The following STS variants were observed in gnomAD, a reference collection of about 807,000 sequenced individuals.
STS encodes steroid sulfatase.
In STS, 7 loss-of-function variants were observed where a neutral mutation model predicts 26.8. That is an observed-to-expected ratio of 0.26 (90% CI 0.15 to 0.49). STS has a LOEUF of 0.49. STS is among the 20% of genes least tolerant of loss of function. The pLI, the probability that STS is intolerant of heterozygous loss-of-function variation, is 0.98. For missense variants in STS, 434 were observed against 465.6 expected (o/e 0.93, Z 0.63); for synonymous variants, 199 against 189.4 (o/e 1.05, Z -0.42).
rs1239061187 is a variant in STS, at chrX:7,148,000, C to T, written c.-217C>T. 1.0e-6 allele frequency: 1 copy of T among 988,701 alleles called. No homozygotes were observed. The highest frequency in any genetic ancestry group is 1.4e-6 in the Non-Finnish European group (1 of 724,409). 81.5% of individuals were successfully genotyped at this position (988,701 alleles called of 1,213,427 possible). A position where few individuals can be genotyped will look rare whatever the true frequency, so the allele number is the denominator to read the frequency against. On this transcript the variant is annotated 5_prime_UTR_variant, in exon 1 of 11. Coordinates refer to ENST00000674429, the MANE Select transcript of STS (RefSeq NM_001320752.2). ...GTGACGTACCCCGCGCCGACCGTCC[C>T]CACGCCCACACAAGACCGCCCTTAC...
chrX:7,296,518 G>T (rs1806606463), intron 7 of STS, among the ~76,000 whole-genome samples: 1 of 111,939 alleles, frequency 8.9e-6, no homozygotes, highest in African/African-American at 3.2e-5. Context: ...GATGTCCAAA[G>T]TGGCTTCCCT....
rs769231905 is a variant in STS, at chrX:7,250,203, T to C, written c.-4-2993T>C. On this transcript the variant is annotated intron_variant, in intron 2 of 10. Coordinates refer to ENST00000674429, the MANE Select transcript of STS (RefSeq NM_001320752.2). Reference sequence around the variant, plus strand: ...TCGGCCTCCCAAAGCACTGGGATTATAGGTGTGAGCCACCATGACCAGCCA... The same window carrying C: ...TCGGCCTCCCAAAGCACTGGGATTACAGGTGTGAGCCACCATGACCAGCCA... 3.6e-5 allele frequency among the ~76,000 whole-genome samples: 4 copies of C among 111,085 alleles called. No individual in the cohort carries two copies. The East Asian group carries it at 1.1e-3, about 31-fold the overall frequency.
At chrX:7,253,437 G>A (rs946508537) in intron 3 of STS, 101 bp downstream of exon 3, 3 of 1,091,572 alleles carry the variant, frequency 2.7e-6, no homozygotes, top group East Asian at 6.0e-5. Flanking sequence ...ATGTAGAAAC[G>A]TTCAAAACCC....
chrX:7,293,507 A>AAT (rs1415925296), intron 7 of STS, among the ~76,000 whole-genome samples: 1 of 111,955 alleles, frequency 8.9e-6, no homozygotes. Flanking sequence ...CTGTAGTCAG[A>AAT]ATATAGCATG....
intron 7 of STS, among the ~76,000 whole-genome samples, chrX:7,298,143 C>T (rs1925756164): frequency 9.0e-6 from 1 of 111,304 alleles, no homozygotes; most frequent in South Asian, 3.8e-4. Flanking sequence ...ATATTCCCTG[C>T]AGTTACATTG....
intron 10 of STS, among the ~76,000 whole-genome samples, chrX:7,349,416 A>T (rs1278552804): frequency 1.2e-5 from 1 of 84,795 alleles, no homozygotes; most frequent in African/African-American, 4.7e-5. Flanking sequence ...GCTCACTGCA[A>T]CCACCACCTC....
At position 7,233,091 on chromosome X, in the gene STS, C is replaced by CTTTTTTTTT. The variant is rs3077766; in HGVS notation, c.-4-20093_-4-20085dup. Among the ~76,000 whole-genome samples the CTTTTTTTTT allele has an allele frequency of 4.6e-3, 322 of 69,767 alleles. 1 individual carries two copies. The highest frequency in any genetic ancestry group is 5.9e-3 in the Non-Finnish European group (218 of 37,262). 60.6% of individuals were successfully genotyped at this position (69,767 alleles called of 115,157 possible). A position where few individuals can be genotyped will look rare whatever the true frequency, so the allele number is the denominator to read the frequency against. On this transcript the variant is annotated intron_variant, in intron 2 of 10. Transcript: ENST00000674429. ...CTTGGTCTCAGATATTTCTTTTTTTCTTTTTTTTTTTTTTTTTTTTGAGAT... is the reference window on the plus strand; with the variant it reads ...CTTGGTCTCAGATATTTCTTTTTTTCTTTTTTTTTTTTTTTTTTTTTTTTTTTTTGAGAT...
chrX:7,200,482 T>C (rs1934050114), intron 2 of STS, among the ~76,000 whole-genome samples: 1 of 111,715 alleles, frequency 9.0e-6, no homozygotes, highest in African/African-American at 3.3e-5. Flanking sequence ...ATAGAACTAG[T>C]GAAATGGGAC....
intron 8 of STS, among the ~76,000 whole-genome samples, chrX:7,322,637 G>A (rs908587557): frequency 8.9e-6 from 1 of 111,945 alleles, no homozygotes; most frequent in East Asian, 2.8e-4. Context: ...CTGACCTCAG[G>A]TGATCCACCC....
At chrX:7,222,520 C>T (rs1387734956) in intron 2 of STS, among the ~76,000 whole-genome samples, 1 of 75,869 alleles carries the variant, frequency 1.3e-5, no homozygotes, top group Non-Finnish European at 2.4e-5. Flanking sequence ...AAAGGATGCC[C>T]TCAGCTGCAA....
chrX:7,300,309 C>A (rs1343526766), intron 7 of STS, among the ~76,000 whole-genome samples: 1 of 112,133 alleles, frequency 8.9e-6, no homozygotes, highest in Non-Finnish European at 1.9e-5. Context: ...AGCTATAATG[C>A]AGCTCACCAT....
At chrX:7,282,951 A>G (rs1393141243) in intron 7 of STS, among the ~76,000 whole-genome samples, 3 of 111,854 alleles carry the variant, frequency 2.7e-5, no homozygotes, top group East Asian at 5.7e-4. Flanking sequence ...GTGACCCACA[A>G]TTTATCTCCA....
chrX:7,164,592 A>G (rs1265245946), intron 1 of STS, among the ~76,000 whole-genome samples: 2 of 111,244 alleles, frequency 1.8e-5, no homozygotes, highest in Admixed American at 1.9e-4. Context: ...CTAAGATGCA[A>G]AGAACCATTT....
At chrX:7,153,298 TCC>T (rs1933057006) in intron 1 of STS, among the ~76,000 whole-genome samples, 1 of 104,343 alleles carries the variant, frequency 9.6e-6, no homozygotes, top group African/African-American at 3.5e-5. Flanking sequence ...TTCGACTCCT[TCC>T]CTCTCTCCTT....
chrX:7,174,935 A>G (rs988078795), intron 1 of STS, among the ~76,000 whole-genome samples: 1 of 110,987 alleles, frequency 9.0e-6, no homozygotes, highest in South Asian at 3.8e-4. Context: ...CCCACATCCA[A>G]GTCTTCATGT....
chrX:7,175,179 T>G (rs1380927366), intron 1 of STS, among the ~76,000 whole-genome samples: 5 of 42,078 alleles, frequency 1.2e-4, no homozygotes, highest in Admixed American at 3.4e-4. Context: ...TCTGAGCTGG[T>G]AAAAAAAAAA....
chrX:7,261,609 G>T (rs751361533), intron 6 of STS, among the ~76,000 whole-genome samples: 1 of 111,306 alleles, frequency 9.0e-6, no homozygotes, highest in Non-Finnish European at 1.9e-5. Flanking sequence ...TTTACTGGAG[G>T]TTGGGAATGG....
At chrX:7,307,313 G>A (rs1926267654) in intron 8 of STS, among the ~76,000 whole-genome samples, 1 of 111,479 alleles carries the variant, frequency 9.0e-6, no homozygotes, top group African/African-American at 3.3e-5. Flanking sequence ...AGTAAAAAGT[G>A]GAAACATGTA....
chrX:7,223,586 T>C lies in STS; in HGVS notation c.-4-29610T>C, dbSNP rs62582352. On this transcript the variant is annotated intron_variant, in intron 2 of 10. Coordinates refer to ENST00000674429, the MANE Select transcript of STS (RefSeq NM_001320752.2). ...TCTGTTTGTGTCATTTGACTCCTTTTTAATGGGGTTATTTGTTTTTGTTTT... is the reference window on the plus strand; with the variant it reads ...TCTGTTTGTGTCATTTGACTCCTTTCTAATGGGGTTATTTGTTTTTGTTTT... Among the ~76,000 whole-genome samples the C allele has an allele frequency of 3.6e-3, 403 of 111,455 alleles. 2 individuals carry two copies. Among genetic ancestry groups the C allele is most frequent in the Non-Finnish European group, 5.5e-3 (292 of 53,139 alleles).
Sources: gnomAD v4.1 joint callset for allele counts (sites outside exome capture counted in the v4.1 genomes callset) on GRCh38, gnomAD v4.1.1 for gene constraint, MANE v1.5 for transcripts, NCBI Gene and HGNC (gene_info 2026-07-23, HGNC 2026-07-21) for gene names.